Variants in DCLK2 observed in about 807,000 individuals in gnomAD.
DCLK2 encodes serine/threonine-protein kinase DCLK2.
A neutral mutation model predicts 78.4 loss-of-function variants in DCLK2; 31 were observed. That is an observed-to-expected ratio of 0.40 (90% CI 0.30 to 0.53). DCLK2 has a LOEUF of 0.53. Ranked by LOEUF, DCLK2 falls within the 20% of genes least tolerant of loss-of-function variation. The probability of loss-of-function intolerance (pLI) is 0.61; values close to 1 mark genes in which losing one functional copy is unlikely to be tolerated. For missense variants in DCLK2, 872 were observed against 973.7 expected, an observed-to-expected ratio of 0.90 and a Z score of 1.39; for synonymous variants, 407 against 374.9, an observed-to-expected ratio of 1.09 and a Z score of -0.99.
chr4:150,236,415 C>T (rs974393655), intron 10 of DCLK2, among the ~76,000 whole-genome samples: 4 of 152,148 alleles, frequency 2.6e-5, no homozygotes, highest in East Asian at 1.9e-4. Context: ...GAGTGCTGTG[C>T]GCCTCAGTCT....
intron 12 of DCLK2, among the ~76,000 whole-genome samples, chr4:150,241,094 A>G (rs1364410795): frequency 1.3e-5 from 2 of 152,212 alleles, no homozygotes; most frequent in African/African-American, 4.8e-5. Flanking sequence ...CAGTTTTTAT[A>G]TCCTCTTTCC....
chr4:150,221,572 T>C, intron 6 of DCLK2, 105 bp from the exon 7 acceptor site: 1 of 656,036 alleles, frequency 1.5e-6, no homozygotes, highest in Middle Eastern at 3.6e-4. Context: ...AGTTTCACCA[T>C]AGATTTAGAA....
intron 10 of DCLK2, among the ~76,000 whole-genome samples, chr4:150,236,036 A>T (rs1382327213): frequency 6.6e-6 from 1 of 152,180 alleles, no homozygotes; most frequent in Non-Finnish European, 1.5e-5. Context: ...AGAGAAGAGA[A>T]GAGGGTTGGT....
intron 2 of DCLK2, among the ~76,000 whole-genome samples, chr4:150,192,695 C>T (rs1738553876): frequency 6.6e-6 from 1 of 152,026 alleles, no homozygotes; most frequent in Non-Finnish European, 1.5e-5. Flanking sequence ...CTCGAAACAA[C>T]CCAAGGCACG....
At chr4:150,250,837 C>A (rs1341454305) in intron 15 of DCLK2, among the ~76,000 whole-genome samples, 1 of 149,726 alleles carries the variant, frequency 6.7e-6, no homozygotes, top group Non-Finnish European at 1.5e-5. Context: ...TATAAGGAAG[C>A]CACACACATA....
intron 2 of DCLK2, among the ~76,000 whole-genome samples, chr4:150,135,267 A>G (rs1383277492): frequency 6.6e-6 from 1 of 152,126 alleles, no homozygotes; most frequent in Non-Finnish European, 1.5e-5. Context: ...TTAGCATATC[A>G]GAAACTTTTA....
intron 2 of DCLK2, among the ~76,000 whole-genome samples, chr4:150,192,926 A>G (rs1738574270): frequency 6.6e-6 from 1 of 152,216 alleles, no homozygotes. Flanking sequence ...ATATTGATGC[A>G]TGTCATGAAT....
chr4:150,153,287 G>A (rs1580607256), intron 2 of DCLK2, among the ~76,000 whole-genome samples: 1 of 152,180 alleles, frequency 6.6e-6, no homozygotes, highest in East Asian at 1.9e-4. Context: ...TCCATGTGGT[G>A]CTGAAGGCAG....
At chr4:150,148,556 T>TACTTACACTTATTTATAGTGTAA (rs1394103937) in intron 2 of DCLK2, among the ~76,000 whole-genome samples, 1 of 152,294 alleles carries the variant, frequency 6.6e-6, no homozygotes, top group African/African-American at 2.4e-5. Flanking sequence ...CATATCACTG[T>TACTTACACTTATTTATAGTGTAA]GCCTGGCTTA....
rs997318812 is a variant in DCLK2 at position 150,256,929 on chromosome 4, A to C, written c.*682A>C. The stretch of plus-strand genomic sequence containing the variant: ...CAGAGACAATGCTCAGTATTCATTC[A>C]TACACAGACGATGGAAGAAGCCACT... On this transcript the variant is annotated 3_prime_UTR_variant, in exon 16 of 16. Transcript: ENST00000296550. 2.6e-5 allele frequency: 4 copies of C among 152,250 alleles called. No individual in the cohort carries two copies. The highest frequency in any genetic ancestry group is 4.4e-5 in the Non-Finnish European group (3 of 68,074). The allele number at this position is 152,250 out of a possible 1,614,324, so 9.4% of individuals were successfully genotyped here. A position where few individuals can be genotyped will look rare whatever the true frequency, so the allele number is the denominator to read the frequency against.
At chr4:150,090,083 A>G (rs1005660637) in intron 1 of DCLK2, among the ~76,000 whole-genome samples, 1 of 152,232 alleles carries the variant, frequency 6.6e-6, no homozygotes, top group African/African-American at 2.4e-5. Flanking sequence ...ATAGGATTAC[A>G]TAAACATTTA....
rs749948062 is a variant in DCLK2 at position 150,240,468 on chromosome 4, A to G, written c.1770A>G (p.Pro590=). 3.1e-6 allele frequency: 5 copies of G among 1,613,034 alleles called. No homozygotes were observed. In the South Asian group the frequency reaches 3.3e-5, roughly 11 times the overall value. The change falls in exon 12 of 16, where the codon CCA becomes CCG. Residue 590 remains proline (P), a synonymous_variant. Coordinates refer to ENST00000296550, the MANE Select transcript of DCLK2 (RefSeq NM_001040260.4). ...ACATACTTCTCTGTGGATTCCCACC[A>G]TTCCGAAGGTAGGCGGCCTTTTGGG... ...ITYILLCGFP[P]FRSENNLQED...
intron 2 of DCLK2, among the ~76,000 whole-genome samples, chr4:150,153,756 T>C (rs1580608230): frequency 6.6e-6 from 1 of 151,996 alleles, no homozygotes; most frequent in Non-Finnish European, 1.5e-5. Context: ...TAGGACTCTT[T>C]CCTTCAGAAA....
intron 12 of DCLK2, among the ~76,000 whole-genome samples, chr4:150,244,661 C>T (rs757828501): frequency 3.9e-5 from 6 of 152,228 alleles, no homozygotes; most frequent in South Asian, 4.1e-4. Flanking sequence ...AATGCGATAC[C>T]GGATCCAGTG....
intron 2 of DCLK2, among the ~76,000 whole-genome samples, chr4:150,177,392 T>C (rs1212894026): frequency 6.6e-6 from 1 of 152,200 alleles, no homozygotes. Flanking sequence ...TGTCAAGCAT[T>C]TGCTTCACAT....
intron 2 of DCLK2, among the ~76,000 whole-genome samples, chr4:150,143,116 A>AT: frequency 6.6e-6 from 1 of 152,222 alleles, no homozygotes; most frequent in Admixed American, 6.5e-5. Context: ...ACATGATTTC[A>AT]TTCTTTTTCA....
rs72730381 is a variant in DCLK2, at chr4:150,158,611, C to G, written c.757-34527C>G. On this transcript the variant is annotated intron_variant, in intron 2 of 15. Coordinates refer to ENST00000296550, the MANE Select transcript of DCLK2 (RefSeq NM_001040260.4). The stretch of plus-strand genomic sequence containing the variant: ...CCAGTCTCTGGGAATATAAATGTCT[C>G]GAAGGAATTCTTCAATATGTAAACT... Among the ~76,000 whole-genome samples, 804 of 152,142 alleles carry G rather than the reference C, an allele frequency of 5.3e-3. 2 individuals carry two copies. Among genetic ancestry groups the G allele is most frequent in the Non-Finnish European group, 8.7e-3 (594 of 68,014 alleles).
At chr4:150,165,498 T>A (rs75090276) in intron 2 of DCLK2, among the ~76,000 whole-genome samples, 1 of 152,362 alleles carries the variant, frequency 6.6e-6, no homozygotes, top group Non-Finnish European at 1.5e-5. Context: ...TAGCCACAGT[T>A]GTTGCCATAA....
In DCLK2 at chr4:150,079,122, G is replaced by C. The variant is rs1016140363; in HGVS notation, c.95G>C (p.Gly32Ala). The C allele has an allele frequency of 4.4e-6, 7 of 1,581,646 alleles. No individual in the cohort carries two copies. The highest frequency in any genetic ancestry group is 6.0e-6 in the Non-Finnish European group (7 of 1,165,500). ...GSRRGAPSSS[G>A]GSSSSGPKGN... ...CGGAGAGGGGCCCCCAGCTCCTCCG[G>C]GGGCAGCAGCAGCTCGGGCCCCAAG... The change falls in exon 1 of 16, where the codon GGG becomes GCG. Residue 32 changes from glycine (G) to alanine (A), a missense_variant. Physicochemically the swap from Gly to Ala is moderately conservative, Grantham distance 60. Around this residue, in one of 3 missense-constraint regions of DCLK2, gnomAD observed 567 missense variants for 593.4 expected, o/e 0.96. Transcript: ENST00000296550.
Sources: allele counts gnomAD v4.1 joint callset (sites outside exome capture counted in the v4.1 genomes callset), GRCh38; gene constraint gnomAD v4.1.1; regional missense constraint gnomAD v4.1.1; transcripts MANE v1.5; gene names NCBI Gene and HGNC (gene_info 2026-07-23, HGNC 2026-07-21).